The following RNF24 variants were observed in gnomAD, a reference collection of about 807,000 sequenced individuals.
RNF24 encodes ring finger protein 24.
A neutral mutation model predicts 20.0 loss-of-function variants in RNF24; 14 were observed. That is an observed-to-expected ratio of 0.70 (90% CI 0.46 to 1.10). The LOEUF is 1.10. Ranked by LOEUF, RNF24 falls within the 50% of genes least tolerant of loss-of-function variation. The probability of loss-of-function intolerance (pLI) is 0.00; values close to 1 mark genes in which losing one functional copy is unlikely to be tolerated. For missense variants in RNF24, 124 were observed against 177.6 expected, an observed-to-expected ratio of 0.70 and a Z score of 1.71; for synonymous variants, 45 against 61.1, an observed-to-expected ratio of 0.74 and a Z score of 1.23.
chr20:3,998,510 G>A (rs907399241), intron 1 of RNF24, among the ~76,000 whole-genome samples: 18 of 149,168 alleles, frequency 1.2e-4, no homozygotes, highest in African/African-American at 4.5e-4. Context: ...GAGAGGTGGA[G>A]GTTGCAGTGA....
At chr20:3,955,413 G>C (rs2091131090) in intron 2 of RNF24, among the ~76,000 whole-genome samples, 1 of 151,960 alleles carries the variant, frequency 6.6e-6, no homozygotes, top group African/African-American at 2.4e-5. Flanking sequence ...AATGATCTTG[G>C]CACCCTTATT....
intron 1 of RNF24, among the ~76,000 whole-genome samples, chr20:3,991,515 G>A (rs1294164549): frequency 6.6e-6 from 1 of 152,080 alleles, no homozygotes; most frequent in Admixed American, 6.5e-5. Flanking sequence ...GTCTCCCAAA[G>A]TACAGGGATT....
chr20:3,936,049 A>G (rs1568612792), intron 4 of RNF24, among the ~76,000 whole-genome samples: 2 of 152,334 alleles, frequency 1.3e-5, no homozygotes, highest in African/African-American at 4.8e-5. Context: ...TTCTTAACCT[A>G]TAACACGTAA....
intron 1 of RNF24, among the ~76,000 whole-genome samples, chr20:4,008,365 A>G (rs1374343181): frequency 4.2e-4 from 8 of 18,916 alleles, no homozygotes; most frequent in African/African-American, 1.5e-3. Context: ...TGTATAATAT[A>G]TATATTATAT....
intron 1 of RNF24, among the ~76,000 whole-genome samples, chr20:3,966,507 T>TGTGTGTGTGTGTG (rs60638000): frequency 4.3e-4 from 63 of 145,388 alleles, no homozygotes; most frequent in Middle Eastern, 3.6e-3. Context: ...TGTGTGTGTG[T>TGTGTGTGTGTGTG]TTGGGGAAAG....
At chr20:3,963,823 A>C (rs2091228584) in intron 2 of RNF24, 52 bp downstream of exon 2, 1 of 1,419,410 alleles carries the variant, frequency 7.0e-7, no homozygotes, top group African/African-American at 1.4e-5. Context: ...CAGAAACTTG[A>C]TTATTGATTA....
intron 1 of RNF24, among the ~76,000 whole-genome samples, chr20:3,998,574 C>CAAAAAAAAA (rs34012774): frequency 6.4e-5 from 2 of 31,340 alleles, no homozygotes; most frequent in African/African-American, 1.5e-4. Context: ...GACTCTATCT[C>CAAAAAAAAA]AAAAAAAAAA....
At chr20:4,003,594 G>C (rs1367843709) in intron 1 of RNF24, among the ~76,000 whole-genome samples, 1 of 146,612 alleles carries the variant, frequency 6.8e-6, no homozygotes, top group African/African-American at 2.5e-5. Context: ...TTCTTTCAAA[G>C]GGTTTTATCA....
At chr20:3,948,902 T>A (rs2146963178) in intron 2 of RNF24, among the ~76,000 whole-genome samples, 1 of 152,384 alleles carries the variant, frequency 6.6e-6, no homozygotes, top group South Asian at 2.1e-4. Flanking sequence ...CTGACTGACA[T>A]ACAGTATTCC....
rs1453941702 is a variant in RNF24, at chr20:3,963,730, A to G, written c.143+145T>C. On this transcript the variant is annotated intron_variant, in intron 2 of 5. Coordinates refer to ENST00000358395, the MANE Select transcript of RNF24 (RefSeq NM_001134337.3). ...TATAAAGGTGTTTTACTGATTACTAATGCACAGATTAAAACGGTAAGCCAT... is the reference window on the plus strand; with the variant it reads ...TATAAAGGTGTTTTACTGATTACTAGTGCACAGATTAAAACGGTAAGCCAT... The G allele has an allele frequency of 5.0e-6, 3 of 598,744 alleles. No homozygotes were observed. The East Asian group carries it at 8.5e-5, about 17-fold the overall frequency. The allele number at this position is 598,744 out of a possible 1,614,324, so 37.1% of individuals were successfully genotyped here.
intron 2 of RNF24, among the ~76,000 whole-genome samples, chr20:3,952,198 A>G (rs1224793432): frequency 6.6e-6 from 1 of 152,042 alleles, no homozygotes; most frequent in Non-Finnish European, 1.5e-5. Flanking sequence ...AATGTACAAA[A>G]TTCACAGACC....
At chr20:3,940,950 A>G (rs1600628173) in intron 4 of RNF24, among the ~76,000 whole-genome samples, 3 of 152,324 alleles carry the variant, frequency 2.0e-5, no homozygotes, top group Admixed American at 6.5e-5. Context: ...ATAAGAAGGA[A>G]ACTTGAAACA....
intron 2 of RNF24, among the ~76,000 whole-genome samples, chr20:3,954,373 A>G (rs2091117962): frequency 6.6e-6 from 1 of 152,152 alleles, no homozygotes; most frequent in African/African-American, 2.4e-5. Flanking sequence ...TCCACCTAGC[A>G]TGTTTTTGAG....
intron 1 of RNF24, among the ~76,000 whole-genome samples, chr20:4,006,148 G>A (rs114450421): frequency 0.014 from 2,160 of 152,156 alleles, 27 homozygotes; most frequent in African/African-American, 0.028. Context: ...AGGCTGAGGC[G>A]GGTAGAACAC....
chr20:3,948,281 TAA>T lies in RNF24; in HGVS notation c.144-4_144-3del. ...TCTTTGTGTGCTTGATGTCTTAGCCTAAAAGACAGAAATTAGTAATGCAATAT... is the reference window on the plus strand; with the variant it reads ...TCTTTGTGTGCTTGATGTCTTAGCCTAAGACAGAAATTAGTAATGCAATAT... On this transcript the variant is annotated splice_polypyrimidine_tract_variant and splice_region_variant and intron_variant, in intron 2 of 5. Coordinates refer to ENST00000358395, the MANE Select transcript of RNF24 (RefSeq NM_001134337.3). The T allele has an allele frequency of 6.4e-7, 1 of 1,573,376 alleles. No individual in the cohort carries two copies. The highest frequency in any genetic ancestry group is 8.6e-7 in the Non-Finnish European group (1 of 1,160,028).
At chr20:3,935,567 C>T (rs1345158846) in intron 4 of RNF24, among the ~76,000 whole-genome samples, 17 of 152,232 alleles carry the variant, frequency 1.1e-4, no homozygotes, top group Non-Finnish European at 1.5e-5. Context: ...TTCCTGGGGC[C>T]TCCCACTTTG....
chr20:3,978,138 C>T (rs534425060), intron 1 of RNF24, among the ~76,000 whole-genome samples: 116 of 150,238 alleles, frequency 7.7e-4, no homozygotes, highest in African/African-American at 2.5e-3. Flanking sequence ...GGCGTGATCT[C>T]GGCTCACTGC....
chr20:3,954,398 T>C (rs996654991), intron 2 of RNF24, among the ~76,000 whole-genome samples: 3 of 152,256 alleles, frequency 2.0e-5, no homozygotes, highest in Non-Finnish European at 4.4e-5. Context: ...ATCCTGGTTG[T>C]AGTATGTATC....
intron 1 of RNF24, among the ~76,000 whole-genome samples, chr20:4,001,759 G>A (rs143693501): frequency 2.6e-5 from 4 of 151,920 alleles, no homozygotes; most frequent in South Asian, 4.2e-4. Context: ...AAGAGAGTAA[G>A]ACCTCATCTC....
Sources: allele counts gnomAD v4.1 joint callset (sites outside exome capture counted in the v4.1 genomes callset), GRCh38; gene constraint gnomAD v4.1.1; transcripts MANE v1.5; gene names NCBI Gene and HGNC (gene_info 2026-07-23, HGNC 2026-07-21).